POU2F1: variants seen among roughly 807,000 people sequenced by gnomAD.
The protein encoded by POU2F1 is POU class 2 homeobox 1.
A neutral mutation model predicts 84.9 loss-of-function variants in POU2F1; 16 were observed. The ratio of observed to expected loss-of-function variants is 0.19; its 90% CI spans 0.13 to 0.29. The LOEUF is 0.29. POU2F1 is among the 10% of genes least tolerant of loss of function. The pLI, the probability that POU2F1 is intolerant of heterozygous loss-of-function variation, is 1.00. For missense variants in POU2F1, 738 were observed against 942.6 expected (o/e 0.78, Z 2.84); for synonymous variants, 368 against 368.3 (o/e 1.00, Z 0.01).
At chr1:167,332,165 TA>T (rs1445362126) in intron 1 of POU2F1, among the ~76,000 whole-genome samples, 1 of 152,168 alleles carries the variant, frequency 6.6e-6, no homozygotes, top group African/African-American at 2.4e-5. Context: ...TTATTCCTTT[TA>T]CATATCAGGC....
intron 6 of POU2F1, among the ~76,000 whole-genome samples, chr1:167,374,887 G>GGTGTT (rs1203605089): frequency 1.3e-5 from 2 of 152,184 alleles, no homozygotes; most frequent in African/African-American, 4.8e-5. Context: ...CTAACACGGT[G>GGTGTT]AAACCCCATC....
At chr1:167,223,494 C>T (rs759997210) in intron 1 of POU2F1, among the ~76,000 whole-genome samples, 11 of 151,856 alleles carry the variant, frequency 7.2e-5, no homozygotes, top group Non-Finnish European at 1.2e-4. Context: ...TTTACCGCTG[C>T]GTAGTCGAGG....
chr1:167,292,801 TCCA>T (rs1417473865), intron 1 of POU2F1, among the ~76,000 whole-genome samples: 1 of 151,706 alleles, frequency 6.6e-6, no homozygotes, highest in Non-Finnish European at 1.5e-5. Context: ...AAAAAGACAA[TCCA>T]CCATGATCAA....
At chr1:167,392,790 A>G (rs1356660254) in intron 9 of POU2F1, among the ~76,000 whole-genome samples, 3 of 152,202 alleles carry the variant, frequency 2.0e-5, no homozygotes. Context: ...TAAAGTACAT[A>G]CTACTGCTGC....
intron 1 of POU2F1, among the ~76,000 whole-genome samples, chr1:167,223,486 T>C (rs1176344020): frequency 1.3e-5 from 2 of 152,138 alleles, no homozygotes; most frequent in East Asian, 3.8e-4. Flanking sequence ...GGTGGATGTT[T>C]ACCGCTGCGT....
At chr1:167,317,952 C>T (rs963720828) in intron 1 of POU2F1, among the ~76,000 whole-genome samples, 2 of 152,206 alleles carry the variant, frequency 1.3e-5, no homozygotes, top group East Asian at 3.9e-4. Context: ...TATACACAGA[C>T]AACACAGATT....
intron 2 of POU2F1, among the ~76,000 whole-genome samples, chr1:167,359,183 CTT>C (rs759660675): frequency 4.1e-5 from 3 of 73,676 alleles, no homozygotes; most frequent in Admixed American, 1.6e-4. Context: ...ACACACTAGA[CTT>C]TTTTTAAAAA....
chr1:167,308,637 C>T (rs1655251781), intron 1 of POU2F1, among the ~76,000 whole-genome samples: 1 of 152,108 alleles, frequency 6.6e-6, no homozygotes, highest in Non-Finnish European at 1.5e-5. Flanking sequence ...GAGATCCTCC[C>T]ACCTCAGCTT....
chr1:167,386,367 G>A (rs1647980941), intron 8 of POU2F1, among the ~76,000 whole-genome samples: 1 of 152,136 alleles, frequency 6.6e-6, no homozygotes, highest in Admixed American at 6.5e-5. Flanking sequence ...GCTATTTTTT[G>A]TAGAGATGGG....
At chr1:167,329,729 A>G (rs1423177665) in intron 1 of POU2F1, among the ~76,000 whole-genome samples, 1 of 152,170 alleles carries the variant, frequency 6.6e-6, no homozygotes, top group Non-Finnish European at 1.5e-5. Context: ...CAAAATGCTC[A>G]GTGAAAAATA....
chr1:167,292,970 A>G (rs1654028665), intron 1 of POU2F1, among the ~76,000 whole-genome samples: 1 of 152,214 alleles, frequency 6.6e-6, no homozygotes, highest in African/African-American at 2.4e-5. Flanking sequence ...TTATGATAAA[A>G]ACCCTCAACA....
At chr1:167,359,183 CT>C (rs759660675) in intron 2 of POU2F1, among the ~76,000 whole-genome samples, 62 of 73,762 alleles carry the variant, frequency 8.4e-4, no homozygotes, top group East Asian at 2.5e-3. Context: ...ACACACTAGA[CT>C]TTTTTTAAAA....
chr1:167,398,308 C>T (rs534839501), intron 11 of POU2F1, among the ~76,000 whole-genome samples, 175 bp downstream of exon 11: 2 of 152,238 alleles, frequency 1.3e-5, no homozygotes, highest in African/African-American at 4.8e-5. Flanking sequence ...CAGAGTTCTG[C>T]AGGGTTCAGG....
At chr1:167,312,612 G>A (rs924913982) in intron 1 of POU2F1, among the ~76,000 whole-genome samples, 3 of 151,942 alleles carry the variant, frequency 2.0e-5, no homozygotes, top group Non-Finnish European at 2.9e-5. Context: ...ATTCAAGAAA[G>A]AAAAATATAT....
intron 6 of POU2F1, 128 bp downstream of exon 6, chr1:167,374,424 A>AG (rs144463732): frequency 0.017 from 14,057 of 823,744 alleles, 201 homozygotes; most frequent in Middle Eastern, 0.025. Flanking sequence ...TAGATCAGTG[A>AG]GGTAAGCGGT....
At position 167,383,933 on chromosome 1, in the gene POU2F1, C is replaced by G; in HGVS notation, c.795C>G (p.Ser265Arg). The G allele has an allele frequency of 6.2e-7, 1 of 1,613,516 alleles. No homozygotes were observed. The highest frequency in any genetic ancestry group is 8.5e-7 in the Non-Finnish European group (1 of 1,179,592). Residue 265 changes from serine to arginine, a missense_variant, in exon 8 of 16, where the codon AGC becomes AGG. Physicochemically the swap from Ser to Arg is moderately radical, Grantham distance 110. Coordinates refer to ENST00000367866, the MANE Select transcript of POU2F1 (RefSeq NM_002697.4). ...CCAACCTCCTACAGTCGCAGCCAAG[C>G]ATCACCCTCACCTCCCAGGTCAGTT... is the stretch of plus-strand genomic sequence containing the variant. ...SQANLLQSQP[S>R]ITLTSQPATP...
chr1:167,375,553 A>C, intron 6 of POU2F1, among the ~76,000 whole-genome samples: 1 of 152,188 alleles, frequency 6.6e-6, no homozygotes, highest in East Asian at 1.9e-4. Context: ...AGGGCAAAAA[A>C]ATTGAATACT....
At position 167,401,455 on chromosome 1, in the gene POU2F1, C is replaced by T. The variant is rs758148467; in HGVS notation, c.1454C>T (p.Ala485Val). 7 of 1,608,214 alleles carry T rather than the reference C, an allele frequency of 4.4e-6. No individual in the cohort carries two copies. The highest frequency in any genetic ancestry group is 5.9e-6 in the Non-Finnish European group (7 of 1,176,752). The change falls in exon 13 of 16, where the codon GCG becomes GTG. Residue 485 changes from alanine to valine, a missense_variant. Physicochemically the swap from Ala to Val is moderately conservative, Grantham distance 64. Around this residue, in one of 4 missense-constraint regions of POU2F1, gnomAD observed 319 missense variants for 386.0 expected, o/e 0.83. Coordinates refer to ENST00000367866, the MANE Select transcript of POU2F1 (RefSeq NM_002697.4). The stretch of plus-strand genomic sequence containing the variant: ...GTTTTCATTTCTGACCTCAAGGTGG[C>T]GACCACACCAAGCCTTGTGACTAGC... ...AIFPSPTSLV[A>V]TTPSLVTSSA...
intron 1 of POU2F1, among the ~76,000 whole-genome samples, chr1:167,309,910 A>T (rs549121003): frequency 6.6e-6 from 1 of 152,290 alleles, no homozygotes; most frequent in Middle Eastern, 3.4e-3. Context: ...TCCATCATTT[A>T]TGAAGAACAA....
Sources: gnomAD v4.1 joint callset for allele counts (sites outside exome capture counted in the v4.1 genomes callset) on GRCh38, gnomAD v4.1.1 for gene constraint, gnomAD v4.1.1 regional missense constraint, MANE v1.5 for transcripts, NCBI Gene and HGNC (gene_info 2026-07-23, HGNC 2026-07-21) for gene names.